Variants in SLC13A3 observed in about 807,000 individuals in gnomAD.
The protein encoded by SLC13A3 is Na(+)/dicarboxylate cotransporter 3.
In SLC13A3, 40 loss-of-function variants were observed where a neutral mutation model predicts 59.0. The ratio of observed to expected loss-of-function variants is 0.68; its 90% CI spans 0.53 to 0.88. The LOEUF (loss-of-function observed/expected upper bound fraction) is 0.88. SLC13A3 is among the 40% of genes least tolerant of loss of function. The pLI is 0.00. For missense variants in SLC13A3, 699 were observed against 783.2 expected, an observed-to-expected ratio of 0.89 and a Z score of 1.28; for synonymous variants, 317 against 330.3, an observed-to-expected ratio of 0.96 and a Z score of 0.44.
chr20:46,656,359 G>GAT (rs1173076470), upstream of SLC13A3, among the ~76,000 whole-genome samples: 1 of 78,712 alleles, frequency 1.3e-5, no homozygotes, highest in African/African-American at 4.5e-5. Context: ...TACTGTATAT[G>GAT]ATATACTATA....
Position 46,559,823 on chromosome 20 carries a change from G to T in SLC13A3, c.*199C>A. On this transcript the variant is annotated 3_prime_UTR_variant, in exon 13 of 13. Transcript: ENST00000279027. The stretch of plus-strand genomic sequence containing the variant: ...GGCAGCAGATCTGAGAGATACCTGG[G>T]CTTTGAACTGCATGAAAGAGAGAGA... 1 of 560,246 alleles carries T rather than the reference G, an allele frequency of 1.8e-6. No homozygotes were observed. The highest frequency in any genetic ancestry group is 2.9e-5 in the East Asian group (1 of 34,452). The allele number at this position is 560,246 out of a possible 1,614,324, so 34.7% of individuals were successfully genotyped here.
chr20:46,679,623 A>G (rs1411974260), intron 1 of SLC13A3, among the ~76,000 whole-genome samples: 1 of 150,748 alleles, frequency 6.6e-6, no homozygotes, highest in Non-Finnish European at 1.5e-5. Flanking sequence ...CAAAAAAAAA[A>G]AGGGGGTGGG....
chr20:46,678,574 C>T (rs115258239), intron 1 of SLC13A3, among the ~76,000 whole-genome samples: 1 of 152,136 alleles, frequency 6.6e-6, no homozygotes, highest in Non-Finnish European at 1.5e-5. Flanking sequence ...GCTGAACCTC[C>T]GGTTATTGCC....
chr20:46,600,231 A>C, intron 3 of SLC13A3, among the ~76,000 whole-genome samples, 194 bp from the exon 4 acceptor site: 1 of 97,820 alleles, frequency 1.0e-5, no homozygotes, highest in African/African-American at 4.0e-5. Context: ...AGGGGGAGGG[A>C]GGGAGGGAGA....
chr20:46,616,830 C>T (rs1446702361), intron 1 of SLC13A3, among the ~76,000 whole-genome samples: 1 of 152,220 alleles, frequency 6.6e-6, no homozygotes, highest in Non-Finnish European at 1.5e-5. Context: ...CCTTCTTAGG[C>T]TGGGAACCTG....
Position 46,588,120 on chromosome 20 carries a change from T to C in SLC13A3, c.1060A>G (p.Ile354Val), listed in dbSNP as rs778577552. The C allele has an allele frequency of 1.9e-6, 3 of 1,613,034 alleles. No individual in the cohort carries two copies. The highest frequency in any genetic ancestry group is 2.5e-6 in the Non-Finnish European group (3 of 1,179,488). The change falls in exon 8 of 13, where the codon ATC becomes GTC. Residue 354 changes from isoleucine to valine, a missense_variant. Transcript: ENST00000279027. Reference sequence around the variant, plus strand: ...TTCGGGTCCCGGGTGAAGAGGAGGATGGCAAACATGCAGAAAAGGATGAAA... The same window carrying C: ...TTCGGGTCCCGGGTGAAGAGGAGGACGGCAAACATGCAGAAAAGGATGAAA... ...AVFILFCMFA[I>V]LLFTRDPKFI...
At chr20:46,576,969 TATGCAGTCCACAGGTGC>T (rs1227699540) in intron 9 of SLC13A3, among the ~76,000 whole-genome samples, 14 of 150,588 alleles carry the variant, frequency 9.3e-5, no homozygotes, top group East Asian at 6.0e-4. Flanking sequence ...TCCACAGGTG[TATGCAGTCCACAGGTGC>T]ATGCAGTCCA....
chr20:46,624,171 C>T (rs1426785096), intron 1 of SLC13A3, among the ~76,000 whole-genome samples: 1 of 152,198 alleles, frequency 6.6e-6, no homozygotes, highest in Non-Finnish European at 1.5e-5. Flanking sequence ...TCCTCATTCA[C>T]AGGAACCCCA....
chr20:46,564,895 T>G (rs1490931660), intron 11 of SLC13A3, among the ~76,000 whole-genome samples: 1 of 152,214 alleles, frequency 6.6e-6, no homozygotes, highest in Non-Finnish European at 1.5e-5. Flanking sequence ...CTCCCGTCAT[T>G]GAAAAATAAC....
intron 1 of SLC13A3, among the ~76,000 whole-genome samples, chr20:46,632,918 TC>T (rs1568947729): frequency 2.5e-4 from 8 of 31,936 alleles, no homozygotes; most frequent in South Asian, 1.8e-3. Flanking sequence ...GATATATCTA[TC>T]TATCTATCTA....
intron 1 of SLC13A3, among the ~76,000 whole-genome samples, chr20:46,634,223 T>C: frequency 6.6e-6 from 1 of 152,206 alleles, no homozygotes; most frequent in South Asian, 2.1e-4. Context: ...ATAGGCATTT[T>C]CATATCCTCT....
intron 1 of SLC13A3, among the ~76,000 whole-genome samples, chr20:46,679,389 T>C (rs1390993799): frequency 6.6e-6 from 1 of 151,914 alleles, no homozygotes. Flanking sequence ...AAATCCTGTC[T>C]CTACTAACAA....
intron 9 of SLC13A3, among the ~76,000 whole-genome samples, chr20:46,581,787 T>G (rs980291376): frequency 6.6e-6 from 1 of 151,904 alleles, no homozygotes; most frequent in Non-Finnish European, 1.5e-5. Context: ...ACTATAAAGG[T>G]GCAAAACCTA....
chr20:46,601,817 C>T (rs2062383279), intron 3 of SLC13A3, among the ~76,000 whole-genome samples: 1 of 151,888 alleles, frequency 6.6e-6, no homozygotes, highest in African/African-American at 2.4e-5. Flanking sequence ...ACCCAGGAAG[C>T]AAAGGGGAGG....
At chr20:46,683,871 G>A (rs115444949) in intron 1 of SLC13A3, among the ~76,000 whole-genome samples, 1,985 of 152,182 alleles carry the variant, frequency 0.013, 39 homozygotes, top group African/African-American at 0.045. Context: ...TGTTTTTACT[G>A]GACCAGCTGG....
chr20:46,592,256 C>T (rs1600529326), intron 6 of SLC13A3, 148 bp downstream of exon 6: 1 of 903,400 alleles, frequency 1.1e-6, no homozygotes. Flanking sequence ...TACATATATA[C>T]ATACCTACAT....
intron 1 of SLC13A3, among the ~76,000 whole-genome samples, chr20:46,639,985 T>G (rs1461112241): frequency 6.6e-6 from 1 of 152,174 alleles, no homozygotes; most frequent in Non-Finnish European, 1.5e-5. Context: ...GGTGCCTCAG[T>G]TTCTTCGTCT....
chr20:46,635,938 T>C (rs1362600913), intron 1 of SLC13A3, among the ~76,000 whole-genome samples: 1 of 152,182 alleles, frequency 6.6e-6, no homozygotes, highest in African/African-American at 2.4e-5. Context: ...TGACAGCTTA[T>C]CAATGCCGTG....
In SLC13A3 at chr20:46,651,296, C is replaced by G; in HGVS notation, c.111+15G>C. ...CTGTGGTTGACCGGGGGCGCACAGG[C>G]GGAGGAGGCGTTACCTTGGGCGGGA... is the stretch of plus-strand genomic sequence containing the variant. On this transcript the variant is annotated intron_variant, in intron 1 of 12. Transcript: ENST00000279027. 2.0e-6 allele frequency: 3 copies of G among 1,480,410 alleles called. No individual in the cohort carries two copies. The highest frequency in any genetic ancestry group is 1.3e-5 in the South Asian group (1 of 75,258). The allele number at this position is 1,480,410 out of a possible 1,614,324, so 91.7% of individuals were successfully genotyped here. A position where few individuals can be genotyped will look rare whatever the true frequency, so the allele number is the denominator to read the frequency against.
Sources: gnomAD v4.1 joint callset for allele counts (sites outside exome capture counted in the v4.1 genomes callset) on GRCh38, gnomAD v4.1.1 for gene constraint, MANE v1.5 for transcripts, NCBI Gene and HGNC (gene_info 2026-07-23, HGNC 2026-07-21) for gene names.